PDE7A: variants seen among roughly 807,000 people sequenced by gnomAD.
The protein encoded by PDE7A is high affinity 3',5'-cyclic-AMP phosphodiesterase 7A.
In PDE7A, 39 loss-of-function variants were observed where a neutral mutation model predicts 64.3. That is an observed-to-expected ratio of 0.61 (90% CI 0.47 to 0.79). The LOEUF (loss-of-function observed/expected upper bound fraction) is 0.79. Ranked by LOEUF, PDE7A falls within the 30% of genes least tolerant of loss-of-function variation. The pLI is 0.00. For synonymous variants in PDE7A, 203 were observed against 206.8 expected, an observed-to-expected ratio of 0.98 and a Z score of 0.16; for missense variants, 470 against 582.8, an observed-to-expected ratio of 0.81 and a Z score of 1.99.
intron 1 of PDE7A, among the ~76,000 whole-genome samples, chr8:65,806,078 C>T (rs1375600619): frequency 6.6e-6 from 1 of 152,162 alleles, no homozygotes; most frequent in African/African-American, 2.4e-5. Flanking sequence ...CAAAGATTTT[C>T]ATTACAGCAT....
At chr8:65,828,359 TG>T (rs1810731176) in intron 1 of PDE7A, among the ~76,000 whole-genome samples, 1 of 152,142 alleles carries the variant, frequency 6.6e-6, no homozygotes, top group African/African-American at 2.4e-5. Flanking sequence ...CATGCCATTT[TG>T]CAACTAGTTT....
intron 7 of PDE7A, 63 bp from the exon 8 acceptor site, chr8:65,727,364 A>C (rs1478977438): frequency 1.3e-6 from 2 of 1,590,882 alleles, no homozygotes; most frequent in Non-Finnish European, 1.7e-6. Flanking sequence ...ACGCCATCAC[A>C]GTAGTTTTGA....
intron 1 of PDE7A, among the ~76,000 whole-genome samples, chr8:65,784,646 A>T (rs1049752263): frequency 6.6e-6 from 1 of 152,096 alleles, no homozygotes; most frequent in South Asian, 2.1e-4. Flanking sequence ...ATCACAAACA[A>T]AGTAAAGGAT....
chr8:65,777,959 T>C (rs1385769058), intron 3 of PDE7A, among the ~76,000 whole-genome samples: 4 of 152,228 alleles, frequency 2.6e-5, no homozygotes, highest in African/African-American at 7.2e-5. Flanking sequence ...TTCTAGAGAT[T>C]TCTCAGCCAT....
intron 9 of PDE7A, chr8:65,725,537 AATAC>A (rs1305297756): frequency 6.5e-6 from 1 of 154,050 alleles, no homozygotes; most frequent in South Asian, 2.0e-4. Flanking sequence ...ATAAACAGCA[AATAC>A]ATACATCATT....
rs1179431555 is a variant in PDE7A, at chr8:65,730,171, C to CTTTTTTTTTTTTTTTTT, written c.697-2887_697-2871dup. Reference sequence around the variant, plus strand: ...TGTGAGGGATCCAGGTTGCGCACTTCTTTTTTTTTTTTTTTTTTTTTTTTT... The same window carrying CTTTTTTTTTTTTTTTTT: ...TGTGAGGGATCCAGGTTGCGCACTTCTTTTTTTTTTTTTTTTTTTTTTTTTTTTTTTTTTTTTTTTTT... On this transcript the variant is annotated intron_variant, in intron 7 of 12. Coordinates refer to ENST00000401827, the MANE Select transcript of PDE7A (RefSeq NM_001242318.3). Among the ~76,000 whole-genome samples the CTTTTTTTTTTTTTTTTT allele has an allele frequency of 9.3e-4, 80 of 86,430 alleles. 10 individuals carry two copies. Among genetic ancestry groups the CTTTTTTTTTTTTTTTTT allele is most frequent in the African/African-American group, 1.5e-3 (32 of 20,930 alleles). The allele number at this position is 86,430 out of a possible 152,430, so 56.7% of individuals were successfully genotyped here.
intron 3 of PDE7A, among the ~76,000 whole-genome samples, chr8:65,761,970 C>T (rs1054882851): frequency 6.6e-6 from 1 of 152,186 alleles, no homozygotes; most frequent in African/African-American, 2.4e-5. Flanking sequence ...AGGCCTTTAA[C>T]AGAAAAGCCT....
chr8:65,809,569 TA>T (rs111722114), intron 1 of PDE7A, among the ~76,000 whole-genome samples: 46 of 152,284 alleles, frequency 3.0e-4, no homozygotes, highest in African/African-American at 1.0e-3. Context: ...ACAGGCAATC[TA>T]CAGAATGGGA....
At chr8:65,821,866 TTTTAC>T (rs1810549696) in intron 1 of PDE7A, among the ~76,000 whole-genome samples, 1 of 152,214 alleles carries the variant, frequency 6.6e-6, no homozygotes, top group African/African-American at 2.4e-5. Context: ...GTCTGTTTCA[TTTTAC>T]TTTTTAAAAT....
intron 1 of PDE7A, among the ~76,000 whole-genome samples, chr8:65,796,810 T>C (rs1374861742): frequency 6.6e-6 from 1 of 152,138 alleles, no homozygotes; most frequent in Non-Finnish European, 1.5e-5. Context: ...TTCAACATGG[T>C]ACTGAAAGTC....
chr8:65,724,113 G>A (rs1806507531), intron 11 of PDE7A, 142 bp downstream of exon 11: 1 of 566,812 alleles, frequency 1.8e-6, no homozygotes, highest in Admixed American at 3.0e-5. Flanking sequence ...GTATTGATTA[G>A]ATGTATATCT....
intron 1 of PDE7A, among the ~76,000 whole-genome samples, chr8:65,789,705 C>T (rs1013002815): frequency 2.6e-5 from 4 of 152,202 alleles, no homozygotes; most frequent in African/African-American, 9.6e-5. Flanking sequence ...ACAAAGTATG[C>T]TTCTATTCAT....
chr8:65,783,828 A>AC (rs1809480487), intron 1 of PDE7A, among the ~76,000 whole-genome samples: 1 of 152,234 alleles, frequency 6.6e-6, no homozygotes, highest in Admixed American at 6.5e-5. Flanking sequence ...TGAATAAATT[A>AC]GTCACTAACA....
At chr8:65,741,451 C>A (rs1807432711) in intron 5 of PDE7A, among the ~76,000 whole-genome samples, 1 of 152,110 alleles carries the variant, frequency 6.6e-6, no homozygotes. Context: ...CAACAAAAGA[C>A]CACAGCTGAT....
At chr8:65,737,579 A>ACTCT (rs1318529073) in intron 6 of PDE7A, among the ~76,000 whole-genome samples, 1 of 150,978 alleles carries the variant, frequency 6.6e-6, no homozygotes, top group Non-Finnish European at 1.5e-5. Flanking sequence ...ATCTCGGCTC[A>ACTCT]CTCTCTCTCT....
intron 1 of PDE7A, among the ~76,000 whole-genome samples, chr8:65,819,245 T>A (rs1260101947): frequency 6.6e-5 from 10 of 152,046 alleles, no homozygotes; most frequent in African/African-American, 2.4e-4. Flanking sequence ...AAATATATGT[T>A]AAGTTAGCTG....
chr8:65,841,260 CCAGA>C, intron 1 of PDE7A, 107 bp downstream of exon 1: 3 of 1,231,492 alleles, frequency 2.4e-6, no homozygotes, highest in South Asian at 2.1e-5. Context: ...CTAGAAATCC[CCAGA>C]CAATGGACAA....
intron 12 of PDE7A, among the ~76,000 whole-genome samples, chr8:65,721,506 A>G (rs1345812427): frequency 5.3e-5 from 8 of 152,150 alleles, no homozygotes; most frequent in Admixed American, 5.2e-4. Context: ...CCGGTCCCCT[A>G]GGGTTGTTGT....
intron 1 of PDE7A, among the ~76,000 whole-genome samples, chr8:65,806,816 G>A (rs1211656047): frequency 6.6e-6 from 1 of 152,156 alleles, no homozygotes; most frequent in Non-Finnish European, 1.5e-5. Context: ...CCCATTGGAT[G>A]GCCTTGGTAC....
Sources: allele counts gnomAD v4.1 joint callset (sites outside exome capture counted in the v4.1 genomes callset), GRCh38; gene constraint gnomAD v4.1.1; transcripts MANE v1.5; gene names NCBI Gene and HGNC (gene_info 2026-07-23, HGNC 2026-07-21).